Variants in ENKUR observed in about 807,000 individuals in gnomAD.
ENKUR encodes the protein enkurin.
Under a neutral mutation model 27.6 loss-of-function variants are expected in ENKUR, and 19 were observed. The observed-to-expected ratio is 0.69, with a 90% CI of 0.48 to 1.01. ENKUR has a LOEUF of 1.01. ENKUR is among the 50% of genes least tolerant of loss of function. ENKUR has a pLI of 0.00. For synonymous variants in ENKUR, 117 were observed against 96.9 expected, an observed-to-expected ratio of 1.21 and a Z score of -1.22; for missense variants, 312 against 310.5, an observed-to-expected ratio of 1.00 and a Z score of -0.04.
At chr10:25,040,701 A>C (rs960261580) in intron 2 of ENKUR, among the ~76,000 whole-genome samples, 3 of 152,220 alleles carry the variant, frequency 2.0e-5, no homozygotes, top group Non-Finnish European at 4.4e-5. Context: ...AACTCACTTC[A>C]ATCAAGAAGA....
intron 1 of ENKUR, among the ~76,000 whole-genome samples, chr10:25,010,744 T>TAGCG: frequency 7.3e-6 from 1 of 137,512 alleles, no homozygotes; most frequent in Admixed American, 7.9e-5. Context: ...GATTTCCAAT[T>TAGCG]TCATCCATGT....
At position 25,033,825 on chromosome 10, in the gene ENKUR, GTCTATCTA is replaced by G. The variant is rs140639853; in HGVS notation, c.37+27279_37+27286del. Among the ~76,000 whole-genome samples the G allele has an allele frequency of 3.3e-3, 490 of 148,728 alleles. 2 individuals carry two copies. Among genetic ancestry groups the G allele is most frequent in the South Asian group, 6.1e-3 (29 of 4,732 alleles). ...TGTATGTATGTATGTGTGTGTGTGT[GTCTATCTA>G]TCTATCTATCTATCTATCTATCTAT... is the stretch of plus-strand genomic sequence containing the variant. On this transcript the variant is annotated intron_variant, in intron 2 of 5. Coordinates refer to the ENKUR transcript ENST00000615958.
intron 2 of ENKUR, among the ~76,000 whole-genome samples, chr10:25,042,577 G>C (rs899419217): frequency 6.6e-6 from 1 of 152,008 alleles, no homozygotes; most frequent in Non-Finnish European, 1.5e-5. Context: ...TTACAGATGT[G>C]AGCCACCATG....
intron 1 of ENKUR, among the ~76,000 whole-genome samples, chr10:25,000,516 G>T (rs1367652781): frequency 6.6e-6 from 1 of 152,010 alleles, no homozygotes; most frequent in Admixed American, 6.6e-5. Context: ...ATAGCATTTA[G>T]GATTGTTATA....
intron 2 of ENKUR, among the ~76,000 whole-genome samples, chr10:25,042,693 T>C (rs1376898667): frequency 6.6e-6 from 1 of 151,808 alleles, no homozygotes; most frequent in African/African-American, 2.4e-5. Flanking sequence ...CTATACAAAA[T>C]GGAAGAGCAC....
chr10:25,060,197 G>C (rs1039989741), intron 2 of ENKUR, among the ~76,000 whole-genome samples: 11 of 152,136 alleles, frequency 7.2e-5, no homozygotes, highest in African/African-American at 2.7e-4. Context: ...GTGATAACAA[G>C]AAGAAAACCC....
At chr10:25,054,496 T>TC (rs774408580) in intron 2 of ENKUR, among the ~76,000 whole-genome samples, 1 of 141,400 alleles carries the variant, frequency 7.1e-6, no homozygotes. Context: ...TTTCTTTCTT[T>TC]CTTTCTTTCT....
At chr10:25,054,512 T>G (rs1851228527) in intron 2 of ENKUR, among the ~76,000 whole-genome samples, 1 of 101,010 alleles carries the variant, frequency 9.9e-6, no homozygotes, top group Non-Finnish European at 2.1e-5. Context: ...TTTCTTTCTT[T>G]CCTTTCTTTC....
chr10:24,988,318 A>G (rs1849830830), intron 4 of ENKUR, among the ~76,000 whole-genome samples: 1 of 145,388 alleles, frequency 6.9e-6, no homozygotes, highest in African/African-American at 2.5e-5. Flanking sequence ...ATATGTGTGT[A>G]TATATATTTA....
chr10:25,041,459 A>G (rs1851063574), intron 2 of ENKUR, among the ~76,000 whole-genome samples: 1 of 152,124 alleles, frequency 6.6e-6, no homozygotes, highest in South Asian at 2.1e-4. Flanking sequence ...CTTTTGGCCA[A>G]TATGTCTTCA....
At chr10:25,023,918 T>C (rs1469010035) in intron 2 of ENKUR, 5 of 1,614,182 alleles carry the variant, frequency 3.1e-6, no homozygotes, top group African/African-American at 2.7e-5. Flanking sequence ...GAAACATTCA[T>C]TTCAACAAGA....
At chr10:25,019,807 GA>G (rs564421789), upstream of ENKUR, among the ~76,000 whole-genome samples, 198 of 152,286 alleles carry the variant, frequency 1.3e-3, no homozygotes, top group Middle Eastern at 0.01. Flanking sequence ...TGCACTACCA[GA>G]AATTTCCCTC....
At chr10:25,037,233 A>T (rs1564354743) in intron 2 of ENKUR, among the ~76,000 whole-genome samples, 2 of 152,212 alleles carry the variant, frequency 1.3e-5, no homozygotes, top group Non-Finnish European at 2.9e-5. Flanking sequence ...TTTTAGAAAG[A>T]TCATTTTTGC....
intron 1 of ENKUR, among the ~76,000 whole-genome samples, chr10:25,000,641 T>C (rs571425867): frequency 3.9e-5 from 6 of 152,104 alleles, no homozygotes; most frequent in Non-Finnish European, 7.4e-5. Flanking sequence ...AAGCATCCCT[T>C]TGATTTGTAA....
intron 2 of ENKUR, among the ~76,000 whole-genome samples, chr10:25,032,315 G>GA (rs981874164): frequency 7.9e-6 from 1 of 126,208 alleles, no homozygotes; most frequent in African/African-American, 4.1e-5. Flanking sequence ...GAGTAAAGAA[G>GA]GGGGGGGGGC....
At chr10:24,990,358 A>G in intron 4 of ENKUR, 105 bp downstream of exon 4, 1 of 1,425,514 alleles carries the variant, frequency 7.0e-7, no homozygotes, top group Non-Finnish European at 9.4e-7. Flanking sequence ...GATTGTTCTG[A>G]TTTCAAAATC....
intron 2 of ENKUR, among the ~76,000 whole-genome samples, chr10:25,034,033 ATT>A (rs141289163): frequency 0.038 from 5,723 of 152,250 alleles, 149 homozygotes; most frequent in Non-Finnish European, 0.06. Context: ...ACCAACAAAC[ATT>A]CATGACTAAA....
Position 24,999,342 on chromosome 10 carries a change from AAT to A in ENKUR, c.223+57_223+58del, listed in dbSNP as rs1207544847. The A allele has an allele frequency of 3.4e-6, 5 of 1,492,430 alleles. No homozygotes were observed. In the African/African-American group the frequency reaches 7.1e-5, roughly 21 times the overall value. 92.4% of individuals were successfully genotyped at this position (1,492,430 alleles called of 1,614,324 possible). Reference sequence around the variant, plus strand: ...GTTTAATATTCATCAACAATAAAATAATAGTTAAATCACCTGCTAATGCTTTT... The same window carrying A: ...GTTTAATATTCATCAACAATAAAATAAGTTAAATCACCTGCTAATGCTTTT... On this transcript the variant is annotated intron_variant, in intron 2 of 5. Transcript: ENST00000331161.
Position 25,008,995 on chromosome 10 carries a change from C to A in ENKUR, c.77+6865G>T, listed in dbSNP as rs375423157. Among the ~76,000 whole-genome samples the A allele has an allele frequency of 5.0e-4, 76 of 151,600 alleles. 1 individual carries two copies. Among genetic ancestry groups the A allele is most frequent in the African/African-American group, 1.6e-3 (64 of 41,044 alleles). On this transcript the variant is annotated intron_variant, in intron 1 of 5. Coordinates refer to ENST00000331161, the MANE Select transcript of ENKUR (RefSeq NM_145010.4). Reference sequence around the variant, plus strand: ...GCTAGAAACCATCATTCTCAGCAAACTATCACAAGGACAAAAAACCAAACA... The same window carrying A: ...GCTAGAAACCATCATTCTCAGCAAAATATCACAAGGACAAAAAACCAAACA...
Sources: gnomAD v4.1 joint callset for allele counts (sites outside exome capture counted in the v4.1 genomes callset) on GRCh38, gnomAD v4.1.1 for gene constraint, MANE v1.5 for transcripts, NCBI Gene and HGNC (gene_info 2026-07-23, HGNC 2026-07-21) for gene names.